RAPGEF1: variants seen among roughly 807,000 people sequenced by gnomAD.
RAPGEF1 encodes Rap guanine nucleotide exchange factor 1, also known as CRK SH3-binding GNRP.
A neutral mutation model predicts 143.3 loss-of-function variants in RAPGEF1; 33 were observed. The ratio of observed to expected loss-of-function variants is 0.23; its 90% CI spans 0.17 to 0.31. The LOEUF is 0.31. Among genes scored for constraint, RAPGEF1 ranks in the 10% least tolerant of loss-of-function variants. The pLI is 1.00. For synonymous variants in RAPGEF1, 629 were observed against 676.5 expected (o/e 0.93, Z 1.09); for missense variants, 1,199 against 1,645.4 (o/e 0.73, Z 4.69).
At chr9:131,608,471 T>C (rs997488808) in intron 12 of RAPGEF1, among the ~76,000 whole-genome samples, 2 of 152,148 alleles carry the variant, frequency 1.3e-5, no homozygotes, top group African/African-American at 4.8e-5. Flanking sequence ...ACCCACTGCA[T>C]GGGTTCAGGT....
At position 131,683,640 on chromosome 9, in the gene RAPGEF1, G is replaced by A. The variant is rs904731480; in HGVS notation, c.62-32691C>T. On this transcript the variant is annotated intron_variant, in intron 1 of 26. Transcript: ENST00000683357. The stretch of plus-strand genomic sequence containing the variant: ...GTAAACAACCTGCAGCCTGCTAAGC[G>A]TTTTCATTGTTTTACAGATGGGACT... 4.6e-5 allele frequency among the ~76,000 whole-genome samples: 7 copies of A among 152,288 alleles called. No homozygotes were observed. The East Asian group carries it at 9.6e-4, about 21-fold the overall frequency.
intron 1 of RAPGEF1, among the ~76,000 whole-genome samples, chr9:131,685,010 C>G (rs1006927184): frequency 1.3e-5 from 2 of 152,156 alleles, no homozygotes; most frequent in Admixed American, 6.5e-5. Context: ...CAACCAGTCA[C>G]AACAAGTAAT....
At chr9:131,643,156 C>A in intron 4 of RAPGEF1, 83 bp downstream of exon 4, 6 of 1,450,814 alleles carry the variant, frequency 4.1e-6, no homozygotes, top group Middle Eastern at 2.5e-4. Flanking sequence ...TCCTAGGAAC[C>A]TTGAGTTTCC....
At chr9:131,632,958 T>C (rs1965342232) in intron 5 of RAPGEF1, among the ~76,000 whole-genome samples, 1 of 152,182 alleles carries the variant, frequency 6.6e-6, no homozygotes, top group South Asian at 2.1e-4. Flanking sequence ...TCCTCCTACT[T>C]TGGCCTCCCA....
At chr9:131,712,233 G>A (rs960186216) in intron 1 of RAPGEF1, among the ~76,000 whole-genome samples, 1 of 152,152 alleles carries the variant, frequency 6.6e-6, no homozygotes, top group African/African-American at 2.4e-5. Flanking sequence ...CCCCCACCAC[G>A]CGAGAGGGGT....
At chr9:131,615,212 A>G (rs1958759141) in intron 12 of RAPGEF1, among the ~76,000 whole-genome samples, 1 of 152,206 alleles carries the variant, frequency 6.6e-6, no homozygotes, top group Non-Finnish European at 1.5e-5. Context: ...AGCTGGGACT[A>G]CAGGCGCCCG....
At chr9:131,614,114 A>T (rs1009574723) in intron 12 of RAPGEF1, among the ~76,000 whole-genome samples, 15 of 151,098 alleles carry the variant, frequency 9.9e-5, no homozygotes, top group Admixed American at 6.6e-4. Flanking sequence ...GTGCAAAGGG[A>T]GGGTCAGACC....
At chr9:131,593,339 T>C (rs1340836113) in intron 17 of RAPGEF1, among the ~76,000 whole-genome samples, 3 of 152,188 alleles carry the variant, frequency 2.0e-5, no homozygotes, top group Non-Finnish European at 2.9e-5. Flanking sequence ...TATTACAGAA[T>C]GAAGTGGAAT....
intron 10 of RAPGEF1, 64 bp from the exon 11 acceptor site, chr9:131,622,062 C>A: frequency 6.8e-7 from 1 of 1,473,274 alleles, no homozygotes; most frequent in South Asian, 1.2e-5. Flanking sequence ...ACCCCTCCCC[C>A]CATTCTTCCC....
At chr9:131,594,830 C>A (rs1347500738) in intron 17 of RAPGEF1, among the ~76,000 whole-genome samples, 4 of 152,238 alleles carry the variant, frequency 2.6e-5, no homozygotes, top group Non-Finnish European at 5.9e-5. Flanking sequence ...TTGGCCACAG[C>A]TGGCTGTACC....
chr9:131,605,303 A>G (rs1588378760), intron 12 of RAPGEF1, 115 bp from the exon 13 acceptor site: 1 of 979,932 alleles, frequency 1.0e-6, no homozygotes, highest in Non-Finnish European at 1.4e-6. Flanking sequence ...ACTTAGTCTA[A>G]CGGGCCACCA....
In RAPGEF1 at chr9:131,602,102, G is replaced by C. The variant is rs769423124; in HGVS notation, c.2460C>G (p.Val820=). ...KDGHPRDPSA[V]SGVPGKDSRD... ...TGCTGTCCTTCCCAGGGACGCCGCT[G>C]ACCGCTGAGGGATCTCTGGGATGTC... is the stretch of plus-strand genomic sequence containing the variant. The change falls in exon 15 of 27, where the codon GTC becomes GTG. Residue 820 remains valine, a synonymous_variant. Transcript: ENST00000683357. The C allele has an allele frequency of 6.2e-7, 1 of 1,604,164 alleles. No individual in the cohort carries two copies. The highest frequency in any genetic ancestry group is 8.5e-7 in the Non-Finnish European group (1 of 1,176,050).
intron 10 of RAPGEF1, 27 bp downstream of exon 10, chr9:131,625,894 TC>T: frequency 6.6e-7 from 1 of 1,521,104 alleles, no homozygotes; most frequent in Non-Finnish European, 8.8e-7. Context: ...AAAATGCACT[TC>T]CTGACAACAG....
At chr9:131,729,316 G>C (rs1238301158) in intron 1 of RAPGEF1, among the ~76,000 whole-genome samples, 1 of 120,070 alleles carries the variant, frequency 8.3e-6, no homozygotes, top group East Asian at 2.8e-4. Flanking sequence ...CCCCTGGCAG[G>C]CTGCTTGACA....
chr9:131,629,331 G>C, intron 6 of RAPGEF1, 77 bp from the exon 7 acceptor site: 1 of 1,423,692 alleles, frequency 7.0e-7, no homozygotes, highest in Non-Finnish European at 9.6e-7. Context: ...GAGAGGGTGA[G>C]GACGTGACCA....
intron 16 of RAPGEF1, 145 bp downstream of exon 16, chr9:131,598,054 C>T: frequency 1.5e-6 from 1 of 682,278 alleles, no homozygotes; most frequent in Non-Finnish European, 2.5e-6. Flanking sequence ...AGCCCACAGC[C>T]CAGAGGCTCA....
chr9:131,606,586 A>C (rs1477002531), intron 12 of RAPGEF1, among the ~76,000 whole-genome samples: 8 of 152,204 alleles, frequency 5.3e-5, no homozygotes, highest in African/African-American at 1.7e-4. Flanking sequence ...GAAAAGAGGA[A>C]GAAGAGGAAG....
At chr9:131,709,814 A>G (rs1835379031) in intron 1 of RAPGEF1, 1 of 1,478,314 alleles carries the variant, frequency 6.8e-7, no homozygotes, top group Non-Finnish European at 8.9e-7. Flanking sequence ...GAACCCAGGC[A>G]GCCTCACAAG....
intron 1 of RAPGEF1, among the ~76,000 whole-genome samples, chr9:131,668,103 C>T (rs953259945): frequency 3.3e-5 from 5 of 152,280 alleles, no homozygotes; most frequent in South Asian, 2.1e-4. Context: ...CCACAGCCCT[C>T]GTCAGGTAAA....
Sources: gnomAD v4.1 joint callset for allele counts (sites outside exome capture counted in the v4.1 genomes callset) on GRCh38, gnomAD v4.1.1 for gene constraint, MANE v1.5 for transcripts, NCBI Gene and HGNC (gene_info 2026-07-23, HGNC 2026-07-21) for gene names.